The following BRME1 variants were observed in gnomAD, a reference collection of about 807,000 sequenced individuals.
BRME1 encodes break repair meiotic recombinase recruitment factor 1.
In BRME1, 31 loss-of-function variants were observed where a neutral mutation model predicts 52.6. The ratio of observed to expected loss-of-function variants is 0.59; its 90% CI spans 0.44 to 0.80. The LOEUF (loss-of-function observed/expected upper bound fraction) is 0.80, where lower values mean the gene tolerates loss of function less well. Among genes scored for constraint, BRME1 ranks in the 30% least tolerant of loss-of-function variants. BRME1 has a pLI of 0.00. For synonymous variants in BRME1, 359 were observed against 353.6 expected (o/e 1.02, Z -0.17); for missense variants, 804 against 860.3 (o/e 0.93, Z 0.82).
At chr19:13,900,732 G>C (rs1970239241) in intron 2 of BRME1, among the ~76,000 whole-genome samples, 1 of 151,840 alleles carries the variant, frequency 6.6e-6, no homozygotes, top group Admixed American at 6.6e-5. Flanking sequence ...TGTCGCCCAG[G>C]CTGGAGTGCA....
intron 1 of BRME1, 58 bp from the exon 2 acceptor site, chr19:13,904,971 A>C: frequency 6.9e-7 from 1 of 1,455,480 alleles, no homozygotes; most frequent in Non-Finnish European, 9.6e-7. Context: ...GTTTATATCC[A>C]GTGGCTTTGG....
rs1194741945 is a variant in BRME1 at position 13,903,464 on chromosome 19, G to A, written c.31+1398C>T. Among the ~76,000 whole-genome samples the A allele has an allele frequency of 2.6e-5, 4 of 152,116 alleles. No homozygotes were observed. In the East Asian group the frequency reaches 7.7e-4, roughly 29 times the overall value. ...GAGGCAGGCAGATCACCTGAGGTCAGGAGTTTGAGACCAGCCTGGCCAACA... is the reference window on the plus strand; with the variant it reads ...GAGGCAGGCAGATCACCTGAGGTCAAGAGTTTGAGACCAGCCTGGCCAACA... On this transcript the variant is annotated intron_variant, in intron 2 of 8. Transcript: ENST00000586783.
chr19:13,890,304 G>A lies in BRME1; in HGVS notation c.552C>T (p.Pro184=), dbSNP rs764604383. Residue 184 remains proline (P), a synonymous_variant, in exon 6 of 9, where the codon CCC becomes CCT. Coordinates refer to ENST00000586783, the MANE Select transcript of BRME1 (RefSeq NM_001345843.2). ...CATCAGGCTGAGAATCCCCACTGCC[G>A]GGCACCGCCTGCACAGGGCTCTGGC... ...QSSQSPVQAV[P]GSGDSQPDDP... 4.4e-5 allele frequency: 71 copies of A among 1,608,932 alleles called. No homozygotes were observed. The highest frequency in any genetic ancestry group is 5.7e-5 in the Non-Finnish European group (67 of 1,177,414).
At position 13,883,073 on chromosome 19, in the gene BRME1, G is replaced by T; in HGVS notation, c.1857-121C>A. The T allele has an allele frequency of 7.8e-7, 1 of 1,286,698 alleles. No homozygotes were observed. Among genetic ancestry groups the T allele is most frequent in the Non-Finnish European group, 1.1e-6 (1 of 933,122 alleles). The allele number at this position is 1,286,698 out of a possible 1,614,324, so 79.7% of individuals were successfully genotyped here. A position where few individuals can be genotyped will look rare whatever the true frequency, so the allele number is the denominator to read the frequency against. On this transcript the variant is annotated intron_variant, in intron 8 of 8. Transcript: ENST00000586783. This position sits in a 1 kb window ranked among gnomAD's most constrained non-coding sequence, Gnocchi z 4.2. ...GTGCACACACACGGCTCACACACGT[G>T]CACATAACCAGAAAGGGCCTGTTGT...
Position 13,883,235 on chromosome 19 carries a change from T to A in BRME1, c.1856+73A>T. 9 of 1,349,754 alleles carry A rather than the reference T, an allele frequency of 6.7e-6. No homozygotes were observed. Among genetic ancestry groups the A allele is most frequent in the Non-Finnish European group, 9.2e-6 (9 of 982,936 alleles). The allele number at this position is 1,349,754 out of a possible 1,614,324, so 83.6% of individuals were successfully genotyped here. On this transcript the variant is annotated intron_variant, in intron 8 of 8. Coordinates refer to ENST00000586783, the MANE Select transcript of BRME1 (RefSeq NM_001345843.2). This position sits in a 1 kb window ranked among gnomAD's most constrained non-coding sequence, Gnocchi z 4.2. ...CCCACCTAGGGGCTTCACACTTCAGTCCCTCCCTGCTCCTCTGAGTCCCCA... is the reference window on the plus strand; with the variant it reads ...CCCACCTAGGGGCTTCACACTTCAGACCCTCCCTGCTCCTCTGAGTCCCCA...
chr19:13,901,986 A>G (rs1970326114), intron 2 of BRME1, among the ~76,000 whole-genome samples: 1 of 151,628 alleles, frequency 6.6e-6, no homozygotes, highest in African/African-American at 2.4e-5. Context: ...GGCTGCAGCG[A>G]GCTATGATTG....
chr19:13,898,620 A>G (rs1474897865), intron 2 of BRME1, among the ~76,000 whole-genome samples: 1 of 151,910 alleles, frequency 6.6e-6, no homozygotes, highest in Non-Finnish European at 1.5e-5. Context: ...TAAAAAAAAC[A>G]CTAAAGAATA....
chr19:13,903,417 A>G (rs1222052783), intron 2 of BRME1, among the ~76,000 whole-genome samples: 1 of 152,116 alleles, frequency 6.6e-6, no homozygotes, highest in East Asian at 1.9e-4. Context: ...TCCCACCTGT[A>G]ATCCCAGCAC....
chr19:13,895,698 A>G, intron 2 of BRME1, 152 bp from the exon 3 acceptor site: 1 of 658,976 alleles, frequency 1.5e-6, no homozygotes, highest in South Asian at 1.9e-5. Flanking sequence ...CTGTAAGAGC[A>G]TCTTGTACAC....
In BRME1 at chr19:13,885,878, G is replaced by A. The variant is rs1285432866; in HGVS notation, c.1763+83C>T. On this transcript the variant is annotated intron_variant, in intron 7 of 8. Transcript: ENST00000586783. Reference sequence around the variant, plus strand: ...AGTCGAGGCCCAGGGAGGGAGAACTGGGGTCTGTCTCCTCCATCTGTCACC... The same window carrying A: ...AGTCGAGGCCCAGGGAGGGAGAACTAGGGTCTGTCTCCTCCATCTGTCACC... 6.6e-6 allele frequency: 8 copies of A among 1,207,012 alleles called. No individual in the cohort carries two copies. In the Admixed American group the frequency reaches 1.5e-4, roughly 22 times the overall value. The allele number at this position is 1,207,012 out of a possible 1,614,324, so 74.8% of individuals were successfully genotyped here.
Position 13,883,122 on chromosome 19 carries a change from C to T in BRME1, c.1857-170G>A, listed in dbSNP as rs1968760389. Among the ~76,000 whole-genome samples, 1 of 151,958 alleles carries T rather than the reference C, an allele frequency of 6.6e-6. No individual in the cohort carries two copies. The highest frequency in any genetic ancestry group is 2.4e-5 in the African/African-American group (1 of 41,294). On this transcript the variant is annotated intron_variant, in intron 8 of 8. Transcript: ENST00000586783. This position sits in a 1 kb window ranked among gnomAD's most constrained non-coding sequence, Gnocchi z 4.2. ...GTAGCACAGGCTGGGCCTGTTGCAG[C>T]CTTTCTTCAGAGCCTGTGTTCTGCA...
At chr19:13,901,918 T>C (rs1970321442) in intron 2 of BRME1, among the ~76,000 whole-genome samples, 1 of 151,160 alleles carries the variant, frequency 6.6e-6, no homozygotes, top group Non-Finnish European at 1.5e-5. Context: ...CACACACCTG[T>C]AGTCCCAGCT....
intron 2 of BRME1, among the ~76,000 whole-genome samples, chr19:13,898,504 G>A (rs952937723): frequency 1.3e-5 from 2 of 152,136 alleles, no homozygotes; most frequent in African/African-American, 4.8e-5. Context: ...CAGCTACTCA[G>A]GAGGCTGAGG....
intron 2 of BRME1, among the ~76,000 whole-genome samples, chr19:13,902,894 C>T (rs1659593163): frequency 6.7e-6 from 1 of 150,204 alleles, no homozygotes; most frequent in African/African-American, 2.5e-5. Context: ...CACTGCACTC[C>T]AGCCTGGGCA....
At chr19:13,890,802 G>T (rs564975656) in intron 5 of BRME1, among the ~76,000 whole-genome samples, 3 of 152,190 alleles carry the variant, frequency 2.0e-5, no homozygotes, top group African/African-American at 7.2e-5. Context: ...GGGAGGCGGA[G>T]GTTGCAGTGA....
In BRME1 at chr19:13,883,563, A is replaced by G; in HGVS notation, c.1764-163T>C. ...CCTGATGGCCAACCCAGCTGGCTCC[A>G]CTGCCCAGCAGGCCCAGAACCCAAC... On this transcript the variant is annotated intron_variant, in intron 7 of 8. Transcript: ENST00000586783. This position sits in a 1 kb window ranked among gnomAD's most constrained non-coding sequence, Gnocchi z 4.2. 1.7e-6 allele frequency: 1 copy of G among 594,112 alleles called. No homozygotes were observed. Among genetic ancestry groups the G allele is most frequent in the Non-Finnish European group, 3.0e-6 (1 of 332,798 alleles). 36.8% of individuals were successfully genotyped at this position (594,112 alleles called of 1,614,324 possible).
At chr19:13,898,865 G>A (rs1168353076) in intron 2 of BRME1, among the ~76,000 whole-genome samples, 2 of 146,312 alleles carry the variant, frequency 1.4e-5, no homozygotes, top group Non-Finnish European at 3.0e-5. Flanking sequence ...GGAGGTTGCA[G>A]TGAGCCGATA....
rs773575840 is a variant in BRME1, at chr19:13,895,355, T to G, written c.206+17A>C. 1 of 1,607,788 alleles carries G rather than the reference T, an allele frequency of 6.2e-7. No homozygotes were observed. Among genetic ancestry groups the G allele is most frequent in the South Asian group, 1.1e-5 (1 of 90,448 alleles). On this transcript the variant is annotated intron_variant, in intron 3 of 8. Transcript: ENST00000586783. ...CTGTCAGTGGGGAGACCTGCCGGAA[T>G]GTTCAGAGCCACCTACCTGGAGACG...
At position 13,889,830 on chromosome 19, in the gene BRME1, C is replaced by T; in HGVS notation, c.1026G>A (p.Leu342=). The T allele has an allele frequency of 1.2e-6, 2 of 1,613,236 alleles. No homozygotes were observed. The highest frequency in any genetic ancestry group is 1.7e-6 in the Non-Finnish European group (2 of 1,179,968). Residue 342 remains leucine (L), a synonymous_variant, in exon 6 of 9, where the codon CTG becomes CTA. Coordinates refer to ENST00000586783, the MANE Select transcript of BRME1 (RefSeq NM_001345843.2). ...CTTCCAGCTCAGTGGGGTCTGTGCT[C>T]AGGTCTGCGATGACAACCATCCCGA... is the stretch of plus-strand genomic sequence containing the variant. The part of the protein sequence containing the change: ...SSLGMVVIAD[L]STDPTELEER...
Sources: allele counts gnomAD v4.1 joint callset (sites outside exome capture counted in the v4.1 genomes callset), GRCh38; gene constraint gnomAD v4.1.1; non-coding constraint Gnocchi (gnomAD v3.1); transcripts MANE v1.5; gene names NCBI Gene and HGNC (gene_info 2026-07-23, HGNC 2026-07-21).